The following NPLOC4 variants were observed in gnomAD, a reference collection of about 807,000 sequenced individuals.
The protein encoded by NPLOC4 is nuclear protein localization protein 4 homolog.
NPLOC4 carries 18 observed loss-of-function variants against 80.6 expected under a neutral mutation model. The ratio of observed to expected loss-of-function variants is 0.22; its 90% CI spans 0.15 to 0.33. The LOEUF is 0.33. NPLOC4 is among the 10% of genes least tolerant of loss of function. The pLI, the probability that NPLOC4 is intolerant of heterozygous loss-of-function variation, is 1.00. For missense variants in NPLOC4, 540 were observed against 786.1 expected, an observed-to-expected ratio of 0.69 and a Z score of 3.74; for synonymous variants, 313 against 301.5, an observed-to-expected ratio of 1.04 and a Z score of -0.39.
chr17:81,574,516 C>A (rs1444326395), intron 12 of NPLOC4, among the ~76,000 whole-genome samples: 5 of 152,220 alleles, frequency 3.3e-5, no homozygotes, highest in Middle Eastern at 3.4e-3. Flanking sequence ...AGTTGGAATG[C>A]GCTGGGAGGA....
At chr17:81,624,141 C>G (rs910026423) in intron 2 of NPLOC4, among the ~76,000 whole-genome samples, 3 of 152,052 alleles carry the variant, frequency 2.0e-5, no homozygotes, top group East Asian at 3.9e-4. Context: ...AAAAATTAGG[C>G]CAGGTGTGGT....
intron 7 of NPLOC4, among the ~76,000 whole-genome samples, chr17:81,605,361 A>G (rs1345243147): frequency 3.3e-5 from 5 of 150,182 alleles, no homozygotes; most frequent in Non-Finnish European, 7.4e-5. Flanking sequence ...TTAAGAAAAA[A>G]ACCAGTCAGG....
At chr17:81,629,606 G>C (rs1438606748) in intron 2 of NPLOC4, 119 bp downstream of exon 2, 7 of 759,284 alleles carry the variant, frequency 9.2e-6, no homozygotes, top group Non-Finnish European at 1.1e-5. Flanking sequence ...GAAAGGCAAT[G>C]CAAGAGGCAA....
intron 1 of NPLOC4, among the ~76,000 whole-genome samples, chr17:81,635,788 T>C (rs552819629): frequency 5.3e-5 from 8 of 152,284 alleles, no homozygotes; most frequent in Admixed American, 2.0e-4. Context: ...CTTCACCCAA[T>C]ACTGCTAAGC....
intron 4 of NPLOC4, among the ~76,000 whole-genome samples, chr17:81,611,531 G>C (rs1184368390): frequency 6.6e-6 from 1 of 150,942 alleles, no homozygotes; most frequent in Admixed American, 6.6e-5. Flanking sequence ...TGTATTTTTA[G>C]TAGAGACGGG....
intron 3 of NPLOC4, among the ~76,000 whole-genome samples, chr17:81,617,735 T>A (rs1451618050): frequency 1.3e-5 from 2 of 148,740 alleles, no homozygotes; most frequent in Non-Finnish European, 3.0e-5. Context: ...ACTGCTGCCA[T>A]CTCGGCTCAC....
chr17:81,575,056 C>T (rs112109180), intron 12 of NPLOC4, among the ~76,000 whole-genome samples: 1,782 of 152,210 alleles, frequency 0.012, 42 homozygotes, highest in African/African-American at 0.041. Flanking sequence ...GGATCTGAGC[C>T]GCCACAGGAT....
rs761872952 is a variant in NPLOC4, at chr17:81,589,039, G to A, written c.1186C>T (p.Arg396Cys). ...QVSNQCMALV[R>C]DECLLPCKDA... ...TTGCATGGCAGCAAACACTCATCAC[G>A]GACCAGTGCCATACACTGATTGGAC... The change falls in exon 12 of 17, where the codon CGT (arginine) becomes TGT (cysteine). Residue 396 changes from arginine (R) to cysteine (C), a missense_variant. Transcript: ENST00000331134. The A allele has an allele frequency of 2.5e-6, 4 of 1,613,902 alleles. No individual in the cohort carries two copies. Among genetic ancestry groups the A allele is most frequent in the Non-Finnish European group, 3.4e-6 (4 of 1,179,832 alleles).
chr17:81,621,386 G>C (rs2035663794), intron 3 of NPLOC4, among the ~76,000 whole-genome samples: 1 of 152,220 alleles, frequency 6.6e-6, no homozygotes, highest in African/African-American at 2.4e-5. Flanking sequence ...CATCATTCTG[G>C]CTGGTAAACA....
intron 11 of NPLOC4, among the ~76,000 whole-genome samples, chr17:81,595,451 T>G (rs1447208526): frequency 1.4e-5 from 2 of 141,324 alleles, no homozygotes; most frequent in African/African-American, 5.3e-5. Context: ...AAACCCGTTT[T>G]GCTTTTTTTT....
At chr17:81,594,583 G>C (rs1188163384) in intron 11 of NPLOC4, among the ~76,000 whole-genome samples, 1 of 151,982 alleles carries the variant, frequency 6.6e-6, no homozygotes, top group African/African-American at 2.4e-5. Flanking sequence ...AGACCATCCT[G>C]GCTAGCATGG....
At chr17:81,565,878 T>C (rs1418098898) in intron 15 of NPLOC4, among the ~76,000 whole-genome samples, 3 of 152,196 alleles carry the variant, frequency 2.0e-5, no homozygotes, top group African/African-American at 7.2e-5. Flanking sequence ...GCCCGGAGGA[T>C]AGGAGCTCAT....
At chr17:81,561,198 TCCACCG>T (rs1320476555) in intron 16 of NPLOC4, among the ~76,000 whole-genome samples, 1 of 152,104 alleles carries the variant, frequency 6.6e-6, no homozygotes, top group Non-Finnish European at 1.5e-5. Context: ...CCTCAAATGA[TCCACCG>T]CCTCGGCCTC....
chr17:81,559,034 A>G lies in NPLOC4; in HGVS notation c.*225T>C. The G allele has an allele frequency of 1.8e-6, 1 of 551,466 alleles. No individual in the cohort carries two copies. Among genetic ancestry groups the G allele is most frequent in the Non-Finnish European group, 3.2e-6 (1 of 311,786 alleles). 34.2% of individuals were successfully genotyped at this position (551,466 alleles called of 1,614,324 possible). On this transcript the variant is annotated 3_prime_UTR_variant, in exon 17 of 17. Transcript: ENST00000331134. Reference sequence around the variant, plus strand: ...GCGTGAGGAGCCGCTCTGCGTTTCCAGTCTGGAGACTGCATTCAGCCTGCA... The same window carrying G: ...GCGTGAGGAGCCGCTCTGCGTTTCCGGTCTGGAGACTGCATTCAGCCTGCA...
At chr17:81,565,896 G>A (rs182593585) in intron 15 of NPLOC4, among the ~76,000 whole-genome samples, 3 of 152,322 alleles carry the variant, frequency 2.0e-5, no homozygotes, top group Non-Finnish European at 2.9e-5. Flanking sequence ...CATGCCTCTC[G>A]TCCTGGAGGC....
chr17:81,601,575 G>C (rs2144201674), intron 8 of NPLOC4, among the ~76,000 whole-genome samples: 1 of 152,220 alleles, frequency 6.6e-6, no homozygotes, highest in South Asian at 2.1e-4. Flanking sequence ...ACTTTTAATA[G>C]AACCGTTGAG....
At chr17:81,563,118 C>G (rs1443859082) in intron 16 of NPLOC4, 1 of 151,650 alleles carries the variant, frequency 6.6e-6, no homozygotes, top group Non-Finnish European at 1.5e-5. Context: ...CTCTGTCGCC[C>G]AGGCTGGAGT....
chr17:81,634,040 T>C (rs1422454807), intron 1 of NPLOC4, among the ~76,000 whole-genome samples: 1 of 131,088 alleles, frequency 7.6e-6, no homozygotes, highest in Non-Finnish European at 1.6e-5. Flanking sequence ...ATTTTTTGTA[T>C]TTTTTTTTTT....
At chr17:81,565,723 A>C (rs2033990822) in intron 15 of NPLOC4, 116 bp from the exon 16 acceptor site, 2 of 756,250 alleles carry the variant, frequency 2.6e-6, no homozygotes, top group Non-Finnish European at 4.1e-6. Context: ...CATTTTAAAA[A>C]TCTTACAGGC....
Sources: allele counts gnomAD v4.1 joint callset (sites outside exome capture counted in the v4.1 genomes callset), GRCh38; gene constraint gnomAD v4.1.1; transcripts MANE v1.5; gene names NCBI Gene and HGNC (gene_info 2026-07-23, HGNC 2026-07-21).